Variants in NR3C2 observed in about 807,000 individuals in gnomAD.
NR3C2 encodes the protein nuclear receptor subfamily 3 group C member 2.
A neutral mutation model predicts 86.4 loss-of-function variants in NR3C2; 15 were observed. That is an observed-to-expected ratio of 0.17 (90% CI 0.12 to 0.27). The LOEUF (loss-of-function observed/expected upper bound fraction) is 0.27, where lower values mean the gene tolerates loss of function less well. NR3C2 is among the 10% of genes least tolerant of loss of function. The probability of loss-of-function intolerance (pLI) is 1.00; values close to 1 mark genes in which losing one functional copy is unlikely to be tolerated. For missense variants in NR3C2, 960 were observed against 1,195.6 expected (o/e 0.80, Z 2.91); for synonymous variants, 458 against 450.5 (o/e 1.02, Z -0.21).
chr4:148,323,453 C>T (rs1284627737), intron 2 of NR3C2, among the ~76,000 whole-genome samples: 7 of 144,244 alleles, frequency 4.9e-5, no homozygotes, highest in Non-Finnish European at 9.0e-5. Flanking sequence ...CAAGCCTGTG[C>T]AATGGCGGGC....
chr4:148,438,727 T>G (rs1750192585), intron 1 of NR3C2, among the ~76,000 whole-genome samples: 1 of 152,228 alleles, frequency 6.6e-6, no homozygotes, highest in African/African-American at 2.4e-5. Context: ...AAATTTGCAT[T>G]AGATAGCACA....
chr4:148,214,563 C>T (rs2149819979), intron 3 of NR3C2, among the ~76,000 whole-genome samples: 1 of 152,256 alleles, frequency 6.6e-6, no homozygotes, highest in South Asian at 2.1e-4. Context: ...ACTAAGAAAA[C>T]AGGGAAGAGA....
chr4:148,341,778 T>C (rs949157295), intron 2 of NR3C2, among the ~76,000 whole-genome samples: 12 of 152,110 alleles, frequency 7.9e-5, no homozygotes, highest in Non-Finnish European at 1.2e-4. Context: ...TAAGCAGCAA[T>C]GGCTACCCAG....
At chr4:148,148,154 C>A (rs1033487079) in intron 6 of NR3C2, among the ~76,000 whole-genome samples, 5 of 152,188 alleles carry the variant, frequency 3.3e-5, no homozygotes, top group Non-Finnish European at 1.5e-5. Flanking sequence ...CCCTGCCCTT[C>A]CAAACCTGAG....
intron 3 of NR3C2, among the ~76,000 whole-genome samples, chr4:148,199,916 T>C (rs377071119): frequency 1.4e-3 from 213 of 152,338 alleles, no homozygotes; most frequent in African/African-American, 4.9e-3. Flanking sequence ...GTTCTTGATA[T>C]GTTCTGACTT....
At chr4:148,381,832 T>C (rs907620) in intron 2 of NR3C2, among the ~76,000 whole-genome samples, 54,130 of 152,050 alleles carry the variant, frequency 0.36, 11,349 homozygotes, top group African/African-American at 0.59. Flanking sequence ...CGCTTGTGTG[T>C]ATTTTTCAGA....
At chr4:148,227,301 C>T (rs1219524937) in intron 3 of NR3C2, among the ~76,000 whole-genome samples, 2 of 152,138 alleles carry the variant, frequency 1.3e-5, no homozygotes, top group Non-Finnish European at 2.9e-5. Flanking sequence ...TCAACTTAGG[C>T]ATTTTTGGCA....
rs374497637 is a variant in NR3C2, at chr4:148,104,348, T to G, written c.2799+9756A>C. ...TTTTTTGTGTTTTGGTTTGGTTTTT[T>G]TTTTTTTTTTTTTTGCATAATTTAT... is the stretch of plus-strand genomic sequence containing the variant. On this transcript the variant is annotated intron_variant, in intron 8 of 8. Coordinates refer to ENST00000358102, the MANE Select transcript of NR3C2 (RefSeq NM_000901.5). Among the ~76,000 whole-genome samples, 18 of 148,642 alleles carry G rather than the reference T, an allele frequency of 1.2e-4. No individual in the cohort carries two copies. In the South Asian group the frequency reaches 2.6e-3, roughly 21 times the overall value.
At chr4:148,201,291 GA>G (rs1053167337) in intron 3 of NR3C2, among the ~76,000 whole-genome samples, 3 of 152,186 alleles carry the variant, frequency 2.0e-5, no homozygotes, top group Admixed American at 6.5e-5. Flanking sequence ...AGGGAGGGGA[GA>G]TGGGCAGGCC....
chr4:148,417,841 T>C (rs778915652), intron 2 of NR3C2, among the ~76,000 whole-genome samples: 7 of 152,216 alleles, frequency 4.6e-5, no homozygotes, highest in Non-Finnish European at 1.0e-4. Flanking sequence ...ATACTATATA[T>C]TTTGCAATCA....
intron 6 of NR3C2, among the ~76,000 whole-genome samples, chr4:148,134,740 C>T (rs769421916): frequency 6.7e-6 from 1 of 149,718 alleles, no homozygotes; most frequent in Non-Finnish European, 1.5e-5. Flanking sequence ...CCTGTGCCTC[C>T]CGGGTTCAAG....
chr4:148,156,913 C>G (rs1181851859), intron 4 of NR3C2, among the ~76,000 whole-genome samples: 1 of 151,828 alleles, frequency 6.6e-6, no homozygotes, highest in Non-Finnish European at 1.5e-5. Context: ...CCCAAATGTC[C>G]AACAATGATA....
At position 148,250,584 on chromosome 4, in the gene NR3C2, C is replaced by A. The variant is rs1468038401; in HGVS notation, c.1897+9394G>T. ...GCCGTGGACATCTGGCTAAGCCAATCTACTGCCAAACTACCTAGTAGCTAA... is the reference window on the plus strand; with the variant it reads ...GCCGTGGACATCTGGCTAAGCCAATATACTGCCAAACTACCTAGTAGCTAA... On this transcript the variant is annotated intron_variant, in intron 3 of 8. Transcript: ENST00000358102. Among the ~76,000 whole-genome samples, 8 of 152,194 alleles carry A rather than the reference C, an allele frequency of 5.3e-5. No homozygotes were observed. The East Asian group carries it at 1.5e-3, about 29-fold the overall frequency.
intron 2 of NR3C2, among the ~76,000 whole-genome samples, chr4:148,393,597 C>T (rs1747702776): frequency 1.3e-5 from 2 of 152,126 alleles, no homozygotes; most frequent in Admixed American, 6.5e-5. Flanking sequence ...CTACTTAGCT[C>T]CAGCTCCTCA....
At chr4:148,437,648 T>C (rs564346836) in intron 1 of NR3C2, among the ~76,000 whole-genome samples, 2 of 152,186 alleles carry the variant, frequency 1.3e-5, no homozygotes, top group South Asian at 4.1e-4. Flanking sequence ...ATGGTACCAG[T>C]GGTACCTCTG....
rs750073037 is a variant in NR3C2 at position 148,346,159 on chromosome 4, T to C, written c.1758-86042A>G. 2.1e-4 allele frequency among the ~76,000 whole-genome samples: 32 copies of C among 152,090 alleles called. 1 individual carries two copies. The highest frequency in any genetic ancestry group is 4.8e-5 in the African/African-American group (2 of 41,430). ...GACCCTTGATGGATACAATAAGGCA[T>C]GTTTGCACTTTATACTAAGGCAATG... On this transcript the variant is annotated intron_variant, in intron 2 of 8. Transcript: ENST00000358102.
intron 6 of NR3C2, among the ~76,000 whole-genome samples, chr4:148,141,601 T>C (rs1395517385): frequency 6.6e-6 from 1 of 152,130 alleles, no homozygotes; most frequent in East Asian, 1.9e-4. Flanking sequence ...AGAAGTACTA[T>C]AGAGCAGGGG....
At chr4:148,104,321 G>GT (rs1232686625) in intron 8 of NR3C2, among the ~76,000 whole-genome samples, 27 of 54,888 alleles carry the variant, frequency 4.9e-4, no homozygotes, top group African/African-American at 1.9e-3. Context: ...AGATTTGTTT[G>GT]TTTTTTTGTG....
intron 3 of NR3C2, among the ~76,000 whole-genome samples, chr4:148,195,421 A>G (rs1040697055): frequency 1.3e-5 from 2 of 152,236 alleles, no homozygotes; most frequent in African/African-American, 4.8e-5. Flanking sequence ...GCCTAGCTTT[A>G]TTAGTATTTA....
Sources: allele counts gnomAD v4.1 joint callset (sites outside exome capture counted in the v4.1 genomes callset), GRCh38; gene constraint gnomAD v4.1.1; transcripts MANE v1.5; gene names NCBI Gene and HGNC (gene_info 2026-07-23, HGNC 2026-07-21).